The following TMEFF1 variants were observed in gnomAD, a reference collection of about 807,000 sequenced individuals.
The protein encoded by TMEFF1 is tomoregulin-1.
TMEFF1 carries 20 observed loss-of-function variants against 47.5 expected under a neutral mutation model. The ratio of observed to expected loss-of-function variants is 0.42; its 90% CI spans 0.30 to 0.61. The LOEUF (loss-of-function observed/expected upper bound fraction) is 0.61, where lower values mean the gene tolerates loss of function less well. TMEFF1 is among the 20% of genes least tolerant of loss of function. TMEFF1 has a pLI of 0.19. For missense variants in TMEFF1, 411 were observed against 471.1 expected (o/e 0.87, Z 1.18); for synonymous variants, 162 against 166.3 (o/e 0.97, Z 0.20).
intron 5 of TMEFF1, among the ~76,000 whole-genome samples, chr9:100,522,858 T>C (rs1428693358): frequency 6.6e-6 from 1 of 152,024 alleles, no homozygotes. Flanking sequence ...CCTCAGCCTC[T>C]CGAATAGCTG....
At chr9:100,535,141 T>A (rs996651754) in intron 5 of TMEFF1, among the ~76,000 whole-genome samples, 4 of 152,158 alleles carry the variant, frequency 2.6e-5, no homozygotes, top group African/African-American at 9.7e-5. Context: ...ATATATATAT[T>A]TTTAATATAT....
intron 1 of TMEFF1, among the ~76,000 whole-genome samples, chr9:100,479,263 A>G (rs1587810718): frequency 6.6e-6 from 1 of 152,208 alleles, no homozygotes; most frequent in African/African-American, 2.4e-5. Context: ...CCTGCTTTCA[A>G]GGGCCTTATA....
At chr9:100,498,998 A>G (rs1837709958) in intron 2 of TMEFF1, 124 bp downstream of exon 2, 2 of 972,296 alleles carry the variant, frequency 2.1e-6, no homozygotes, top group Non-Finnish European at 3.0e-6. Context: ...ACAGCCCCTC[A>G]GTTCTTTTTT....
At chr9:100,521,350 G>A (rs1249719914) in intron 5 of TMEFF1, among the ~76,000 whole-genome samples, 1 of 152,080 alleles carries the variant, frequency 6.6e-6, no homozygotes, top group Non-Finnish European at 1.5e-5. Flanking sequence ...GTTCGTTAAT[G>A]CTTACCTTTC....
chr9:100,559,992 C>T (rs1013791572), intron 7 of TMEFF1, among the ~76,000 whole-genome samples: 12 of 151,872 alleles, frequency 7.9e-5, no homozygotes, highest in Middle Eastern at 3.4e-3. Context: ...TCAGAAAATC[C>T]GCGTTTTTGG....
chr9:100,549,548 AC>A (rs1211003623), intron 6 of TMEFF1, among the ~76,000 whole-genome samples: 1 of 152,172 alleles, frequency 6.6e-6, no homozygotes, highest in Non-Finnish European at 1.5e-5. Context: ...CACAAACCTA[AC>A]TATGTCTTTC....
intron 2 of TMEFF1, among the ~76,000 whole-genome samples, chr9:100,503,430 C>T (rs544179840): frequency 6.6e-6 from 1 of 152,082 alleles, no homozygotes; most frequent in Non-Finnish European, 1.5e-5. Flanking sequence ...CTGGCATTCT[C>T]TGAACTATGT....
intron 5 of TMEFF1, among the ~76,000 whole-genome samples, chr9:100,521,905 A>T (rs1838167667): frequency 6.6e-6 from 1 of 152,222 alleles, no homozygotes; most frequent in Admixed American, 6.5e-5. Flanking sequence ...AATATCTCAG[A>T]GTTGCTCAGA....
rs188463120 is a variant in TMEFF1 at position 100,497,677 on chromosome 9, C to T, written c.197-1088C>T. On this transcript the variant is annotated intron_variant, in intron 1 of 9. Coordinates refer to ENST00000374879, the MANE Select transcript of TMEFF1 (RefSeq NM_003692.5). Reference sequence around the variant, plus strand: ...GACAGTTGTCACCGGACATAGAATTCCCTTGACTTAGTTTACTGAGTCCTG... The same window carrying T: ...GACAGTTGTCACCGGACATAGAATTTCCTTGACTTAGTTTACTGAGTCCTG... 5.9e-5 allele frequency among the ~76,000 whole-genome samples: 9 copies of T among 152,170 alleles called. No individual in the cohort carries two copies. In the East Asian group the frequency reaches 7.7e-4, roughly 13 times the overall value.
At chr9:100,541,766 T>C (rs1838638152) in intron 5 of TMEFF1, among the ~76,000 whole-genome samples, 1 of 152,236 alleles carries the variant, frequency 6.6e-6, no homozygotes, top group African/African-American at 2.4e-5. Flanking sequence ...ATTATCCTGC[T>C]GAATAAAATA....
At position 100,532,999 on chromosome 9, in the gene TMEFF1, AAC is replaced by A. The variant is rs1838422386; in HGVS notation, c.561-14742_561-14741del. 2.0e-5 allele frequency among the ~76,000 whole-genome samples: 3 copies of A among 150,714 alleles called. No individual in the cohort carries two copies. In the South Asian group the frequency reaches 6.3e-4, roughly 32 times the overall value. ...AAACTATCGCAAGAACAAAAAACAAAACACTGCATATTCTCACTCATAGGTGG... is the reference window on the plus strand; with the variant it reads ...AAACTATCGCAAGAACAAAAAACAAAACTGCATATTCTCACTCATAGGTGG... On this transcript the variant is annotated intron_variant, in intron 5 of 9. Transcript: ENST00000374879.
At position 100,498,788 on chromosome 9, in the gene TMEFF1, G is replaced by A. The variant is rs763918541; in HGVS notation, c.220G>A (p.Val74Ile). ...AGAATTAAATGTGAGGGAGTCTGAC[G>A]TAAGAGTTTGTGATGAGTCATCATG... ...CSELNVRESD[V>I]RVCDESSCKY... The change falls in exon 2 of 10, where the codon GTA (valine) becomes ATA (isoleucine). Residue 74 changes from valine to isoleucine, a missense_variant. Transcript: ENST00000374879. 15 of 1,613,506 alleles carry A rather than the reference G, an allele frequency of 9.3e-6. No homozygotes were observed. The highest frequency in any genetic ancestry group is 2.2e-5 in the East Asian group (1 of 44,860).
At chr9:100,475,878 G>C (rs1468318342) in intron 1 of TMEFF1, among the ~76,000 whole-genome samples, 1 of 151,740 alleles carries the variant, frequency 6.6e-6, no homozygotes, top group African/African-American at 2.4e-5. Context: ...GAAGCCTGGG[G>C]CTCAGTTAGT....
At chr9:100,531,850 G>T (rs1291515030) in intron 5 of TMEFF1, among the ~76,000 whole-genome samples, 1 of 142,056 alleles carries the variant, frequency 7.0e-6, no homozygotes, top group South Asian at 2.3e-4. Flanking sequence ...ATACTACAAG[G>T]CTACAGTAAC....
intron 5 of TMEFF1, among the ~76,000 whole-genome samples, chr9:100,537,716 G>A (rs1170181211): frequency 6.6e-6 from 1 of 151,140 alleles, no homozygotes; most frequent in Non-Finnish European, 1.5e-5. Context: ...ATGACTAAAT[G>A]TTTGTGCACA....
intron 9 of TMEFF1, among the ~76,000 whole-genome samples, chr9:100,575,514 T>C (rs1360122752): frequency 6.6e-6 from 1 of 152,190 alleles, no homozygotes; most frequent in Non-Finnish European, 1.5e-5. Flanking sequence ...TCCAACTCTG[T>C]CTACCTCACA....
In TMEFF1 at chr9:100,473,871, A is replaced by T; in HGVS notation, c.196+131A>T. On this transcript the variant is annotated intron_variant, in intron 1 of 9. Coordinates refer to ENST00000374879, the MANE Select transcript of TMEFF1 (RefSeq NM_003692.5). This position sits in a 1 kb window ranked among gnomAD's most constrained non-coding sequence, Gnocchi z 5.4. ...CCAGGGGTGGGCCCGAGGGTGAGCGAGGGCGGAGGGCAGGGCGCGAGCGTG... is the reference window on the plus strand; with the variant it reads ...CCAGGGGTGGGCCCGAGGGTGAGCGTGGGCGGAGGGCAGGGCGCGAGCGTG... The T allele has an allele frequency of 8.8e-7, 1 of 1,134,154 alleles. No homozygotes were observed. The highest frequency in any genetic ancestry group is 3.7e-5 in the Admixed American group (1 of 27,184). The allele number at this position is 1,134,154 out of a possible 1,614,324, so 70.3% of individuals were successfully genotyped here. A position where few individuals can be genotyped will look rare whatever the true frequency, so the allele number is the denominator to read the frequency against.
At chr9:100,525,674 G>T (rs1353108811) in intron 5 of TMEFF1, among the ~76,000 whole-genome samples, 1 of 152,180 alleles carries the variant, frequency 6.6e-6, no homozygotes, top group Non-Finnish European at 1.5e-5. Context: ...CCTTCCCAGA[G>T]GTAGAAGAAT....
chr9:100,537,926 A>G (rs1027472048), intron 5 of TMEFF1, among the ~76,000 whole-genome samples: 1 of 152,062 alleles, frequency 6.6e-6, no homozygotes, highest in Admixed American at 6.5e-5. Flanking sequence ...ATGAACTAAA[A>G]TTTTTTTCTG....
Sources: gnomAD v4.1 joint callset for allele counts (sites outside exome capture counted in the v4.1 genomes callset) on GRCh38, gnomAD v4.1.1 for gene constraint, Gnocchi (gnomAD v3.1) non-coding constraint, MANE v1.5 for transcripts, NCBI Gene and HGNC (gene_info 2026-07-23, HGNC 2026-07-21) for gene names.